Variants in ABCB11 observed in about 807,000 individuals in gnomAD.
The protein encoded by ABCB11 is ATP binding cassette subfamily B member 11, also known as bile salt export pump.
ABCB11 carries 95 observed loss-of-function variants against 148.0 expected under a neutral mutation model. The ratio of observed to expected loss-of-function variants is 0.64; its 90% CI spans 0.54 to 0.76. ABCB11 has a LOEUF of 0.76. ABCB11 is among the 30% of genes least tolerant of loss of function. The pLI is 0.00. For synonymous variants in ABCB11, 591 were observed against 555.4 expected (o/e 1.06, Z -0.90); for missense variants, 1,523 against 1,617.8 (o/e 0.94, Z 1.01).
chr2:168,981,077 G>A (rs1360560562), intron 10 of ABCB11, among the ~76,000 whole-genome samples: 6 of 152,198 alleles, frequency 3.9e-5, no homozygotes, highest in Non-Finnish European at 5.9e-5. Context: ...CCTGGTCTGT[G>A]ATGGTTTCTA....
rs868681458 is a variant in ABCB11 at position 168,921,993 on chromosome 2, C to T, written c.*1629G>A. On this transcript the variant is annotated 3_prime_UTR_variant, in exon 28 of 28. Coordinates refer to ENST00000650372, the MANE Select transcript of ABCB11 (RefSeq NM_003742.4). ...CCTCCTGAGTAGCTGGGACTACAGGCGCCCGCCACCACGCCCGGCTAATTT... is the reference window on the plus strand; with the variant it reads ...CCTCCTGAGTAGCTGGGACTACAGGTGCCCGCCACCACGCCCGGCTAATTT... Among the ~76,000 whole-genome samples the T allele has an allele frequency of 5.9e-5, 9 of 151,818 alleles. No individual in the cohort carries two copies. The highest frequency in any genetic ancestry group is 1.2e-4 in the African/African-American group (5 of 41,396).
At chr2:168,947,724 G>A (rs1455130241) in intron 19 of ABCB11, among the ~76,000 whole-genome samples, 2 of 151,630 alleles carry the variant, frequency 1.3e-5, no homozygotes, top group African/African-American at 4.8e-5. Context: ...TGGTTTGTTC[G>A]GCATCATTCT....
intron 21 of ABCB11, among the ~76,000 whole-genome samples, chr2:168,941,490 T>C (rs888582147): frequency 6.6e-6 from 1 of 152,064 alleles, no homozygotes; most frequent in African/African-American, 2.4e-5. Flanking sequence ...AAGTGGAGTC[T>C]GAAGATGTGC....
At chr2:168,918,993 C>T (rs1235369898), downstream of ABCB11, among the ~76,000 whole-genome samples, 2 of 151,966 alleles carry the variant, frequency 1.3e-5, no homozygotes, top group Non-Finnish European at 2.9e-5. Context: ...TCAGTATTCA[C>T]CTTCATCTTT....
chr2:168,940,566 AG>A (rs761429158), intron 21 of ABCB11, among the ~76,000 whole-genome samples: 4 of 152,134 alleles, frequency 2.6e-5, no homozygotes, highest in Non-Finnish European at 5.9e-5. Flanking sequence ...ACAATGTAAA[AG>A]TGCAAGGTGA....
At chr2:168,919,880 T>C (rs1691025415), downstream of ABCB11, among the ~76,000 whole-genome samples, 1 of 148,874 alleles carries the variant, frequency 6.7e-6, no homozygotes, top group Non-Finnish European at 1.5e-5. Context: ...TTTTTGGTTT[T>C]GTTTTTTTTT....
chr2:168,978,045 T>A (rs1693989342), intron 11 of ABCB11, among the ~76,000 whole-genome samples: 1 of 152,226 alleles, frequency 6.6e-6, no homozygotes, highest in East Asian at 1.9e-4. Context: ...AATGCCTTAA[T>A]TTTTTAGTTT....
Position 168,927,186 on chromosome 2 carries a change from C to G in ABCB11, c.3588G>C (p.Gln1196His). The change falls in exon 26 of 28, where the codon CAG (glutamine) becomes CAC (histidine). Residue 1196 changes from glutamine (Q) to histidine (H), a missense_variant. Gln to His is a conservative substitution (Grantham distance 24, BLOSUM62 0). Transcript: ENST00000650372. Reference protein sequence around the residue: ...ERVIAAAKQAQLHDFVMSLPE... With the variant: ...ERVIAAAKQAHLHDFVMSLPE... ...GGAGTGACATGACAAAATCATGCAG[C>G]TGAGCCTGTTTTGCAGCTGCTATGA... The G allele has an allele frequency of 6.2e-7, 1 of 1,613,846 alleles. No individual in the cohort carries two copies. The highest frequency in any genetic ancestry group is 1.1e-5 in the South Asian group (1 of 91,074).
chr2:168,926,844 T>C (rs193068462), intron 26 of ABCB11, among the ~76,000 whole-genome samples: 103 of 152,294 alleles, frequency 6.8e-4, no homozygotes, highest in Admixed American at 6.0e-3. Flanking sequence ...GGGATAGGAC[T>C]CAAGTCTAAC....
intron 9 of ABCB11, 61 bp downstream of exon 9, chr2:168,990,740 G>A: frequency 6.2e-7 from 1 of 1,600,278 alleles, no homozygotes; most frequent in Non-Finnish European, 8.5e-7. Context: ...CAAACTGAGA[G>A]ACTCAGGGTA....
In ABCB11 at chr2:168,997,679, C is replaced by G. The variant is rs1694757269; in HGVS notation, c.390-957G>C. ...ATCCTACATCCTTTCCGCTCTCTGT[C>G]AGCCTTCTTTTTGTGGCTTGAGCTT... On this transcript the variant is annotated intron_variant, in intron 5 of 27. Transcript: ENST00000650372. Among the ~76,000 whole-genome samples, 4 of 152,148 alleles carry G rather than the reference C, an allele frequency of 2.6e-5. No individual in the cohort carries two copies. In the South Asian group the frequency reaches 8.3e-4, roughly 32 times the overall value.
chr2:168,969,279 T>C, intron 16 of ABCB11, 71 bp downstream of exon 16: 6 of 1,395,416 alleles, frequency 4.3e-6, no homozygotes, highest in African/African-American at 1.4e-5. Context: ...TTGAAATACA[T>C]AGAAAACCGT....
chr2:169,015,672 C>T (rs1289950709), intron 3 of ABCB11, among the ~76,000 whole-genome samples: 1 of 151,978 alleles, frequency 6.6e-6, no homozygotes, highest in East Asian at 1.9e-4. Context: ...TTCAACCCCA[C>T]CCCCCACGCA....
chr2:169,029,955 T>A (rs1695816152), intron 1 of ABCB11, among the ~76,000 whole-genome samples: 1 of 149,146 alleles, frequency 6.7e-6, no homozygotes, highest in African/African-American at 2.5e-5. Flanking sequence ...TTAGCCAGGA[T>A]GGTCTCGATC....
At chr2:169,012,259 C>T (rs1695209243) in intron 5 of ABCB11, among the ~76,000 whole-genome samples, 1 of 152,092 alleles carries the variant, frequency 6.6e-6, no homozygotes, top group Admixed American at 6.6e-5. Context: ...ATGTGGGTTC[C>T]TATGTGCAAA....
At chr2:168,993,932 A>C in intron 7 of ABCB11, 50 bp from the exon 8 acceptor site, 5 of 1,446,342 alleles carry the variant, frequency 3.5e-6, no homozygotes, top group Non-Finnish European at 4.8e-6. Context: ...GATCATTCAA[A>C]TATCTTGCTG....
intron 11 of ABCB11, among the ~76,000 whole-genome samples, chr2:168,978,522 A>G (rs1694013439): frequency 6.6e-6 from 1 of 152,148 alleles, no homozygotes; most frequent in Admixed American, 6.6e-5. Context: ...TAAAGCAATG[A>G]GTCACTTCCT....
chr2:168,967,060 A>T (rs776655489), intron 17 of ABCB11, among the ~76,000 whole-genome samples: 1 of 151,928 alleles, frequency 6.6e-6, no homozygotes, highest in Non-Finnish European at 1.5e-5. Flanking sequence ...CATAAGAAAC[A>T]TGTCCACTTT....
chr2:168,955,938 G>A (rs1298140519), intron 19 of ABCB11, among the ~76,000 whole-genome samples: 7 of 151,642 alleles, frequency 4.6e-5, no homozygotes, highest in Non-Finnish European at 8.9e-5. Flanking sequence ...CATGGCAGTC[G>A]TTAAATCTTA....
Sources: allele counts gnomAD v4.1 joint callset (sites outside exome capture counted in the v4.1 genomes callset), GRCh38; gene constraint gnomAD v4.1.1; transcripts MANE v1.5; gene names NCBI Gene and HGNC (gene_info 2026-07-23, HGNC 2026-07-21).